CFAP299: variants seen among roughly 807,000 people sequenced by gnomAD.
CFAP299 encodes the protein cilia- and flagella-associated protein 299.
Under a neutral mutation model 27.0 loss-of-function variants are expected in CFAP299, and 21 were observed. The ratio of observed to expected loss-of-function variants is 0.78; its 90% CI spans 0.55 to 1.12. The LOEUF (loss-of-function observed/expected upper bound fraction) is 1.12. Among genes scored for constraint, CFAP299 ranks in the 50% most tolerant of loss-of-function variants. The pLI, the probability that CFAP299 is intolerant of heterozygous loss-of-function variation, is 0.00. For synonymous variants in CFAP299, 104 were observed against 98.1 expected, an observed-to-expected ratio of 1.06 and a Z score of -0.36; for missense variants, 310 against 276.6, an observed-to-expected ratio of 1.12 and a Z score of -0.86.
chr4:80,573,337 C>A (rs995835244), intron 2 of CFAP299, among the ~76,000 whole-genome samples: 14 of 152,082 alleles, frequency 9.2e-5, no homozygotes, highest in African/African-American at 3.4e-4. Context: ...TCAGCCTATA[C>A]AATTGTTTGA....
chr4:80,918,943 A>G (rs1272338307), intron 4 of CFAP299, among the ~76,000 whole-genome samples: 5 of 152,048 alleles, frequency 3.3e-5, no homozygotes, highest in South Asian at 2.1e-4. Flanking sequence ...AGATCTGTAG[A>G]CTGTGATGGT....
chr4:80,721,282 A>G (rs530658793), intron 3 of CFAP299, among the ~76,000 whole-genome samples: 7 of 152,212 alleles, frequency 4.6e-5, no homozygotes, highest in Admixed American at 3.3e-4. Context: ...AGGAATTTGT[A>G]TTTGTTTTCT....
chr4:80,560,161 C>T (rs1338694074), intron 2 of CFAP299, among the ~76,000 whole-genome samples: 1 of 151,894 alleles, frequency 6.6e-6, no homozygotes. Flanking sequence ...GAGCACTGGC[C>T]AGAGTTGTGA....
chr4:80,581,453 G>GATATATAT (rs70944794), intron 2 of CFAP299, among the ~76,000 whole-genome samples: 1,672 of 102,510 alleles, frequency 0.016, 48 homozygotes, highest in African/African-American at 0.02. Flanking sequence ...TATTAAGTGA[G>GATATATAT]ATATATATAT....
chr4:80,363,022 CA>C, intron 2 of CFAP299, 138 bp downstream of exon 2: 1 of 944,548 alleles, frequency 1.1e-6, no homozygotes, highest in Non-Finnish European at 1.5e-6. Context: ...ATTTGTTCTG[CA>C]GATGAGGAAC....
At chr4:80,433,863 C>A (rs766561000) in intron 2 of CFAP299, among the ~76,000 whole-genome samples, 1 of 152,164 alleles carries the variant, frequency 6.6e-6, no homozygotes, top group African/African-American at 2.4e-5. Context: ...ATTTTGTAAC[C>A]AGTATCATCA....
chr4:80,749,439 A>G (rs1268570247), intron 3 of CFAP299, among the ~76,000 whole-genome samples: 8 of 152,208 alleles, frequency 5.3e-5, no homozygotes, highest in African/African-American at 1.9e-4. Context: ...ATATATGTAC[A>G]TATGAAAGGA....
chr4:80,907,529 C>T lies in CFAP299; in HGVS notation c.477-37281C>T, dbSNP rs570685395. 7.9e-5 allele frequency among the ~76,000 whole-genome samples: 12 copies of T among 152,248 alleles called. 1 individual carries two copies. Among genetic ancestry groups the T allele is most frequent in the Admixed American group, 5.9e-4 (9 of 15,294 alleles). Reference sequence around the variant, plus strand: ...GATAGGGTTTTAGTTGATTGACAGTCCTGCAGGGCTGAGGAGGCCTCAGGA... The same window carrying T: ...GATAGGGTTTTAGTTGATTGACAGTTCTGCAGGGCTGAGGAGGCCTCAGGA... On this transcript the variant is annotated intron_variant, in intron 4 of 5. Coordinates refer to ENST00000358105, the MANE Select transcript of CFAP299 (RefSeq NM_152770.3).
intron 3 of CFAP299, among the ~76,000 whole-genome samples, chr4:80,597,402 AC>A (rs1737109691): frequency 6.6e-6 from 1 of 151,982 alleles, no homozygotes; most frequent in Non-Finnish European, 1.5e-5. Flanking sequence ...CTATTTTTCT[AC>A]TGTATCTTTT....
At chr4:80,847,684 C>A (rs1435655670) in intron 3 of CFAP299, among the ~76,000 whole-genome samples, 1 of 152,204 alleles carries the variant, frequency 6.6e-6, no homozygotes, top group Non-Finnish European at 1.5e-5. Context: ...ATGATACCTA[C>A]ATTATGGGGC....
At chr4:80,904,854 T>A (rs892202018) in intron 4 of CFAP299, among the ~76,000 whole-genome samples, 4 of 152,200 alleles carry the variant, frequency 2.6e-5, no homozygotes, top group Non-Finnish European at 5.9e-5. Context: ...AACTCTGAGA[T>A]GTATGTCATA....
chr4:80,511,299 A>T (rs1163779803), intron 2 of CFAP299, among the ~76,000 whole-genome samples: 1 of 152,176 alleles, frequency 6.6e-6, no homozygotes, highest in Non-Finnish European at 1.5e-5. Flanking sequence ...ACAGCTTTGT[A>T]TAGATGTTGG....
Position 80,335,851 on chromosome 4 carries a change from T to C in CFAP299, c.83T>C (p.Ile28Thr), listed in dbSNP as rs929190911. ...NAYEDFLDSQ[I>T]TTVDLYYLED... ...TATGAAGATTTCCTGGACTCGCAGA[T>C]CACTACTGTGGACTTGTACTACCTG... is the stretch of plus-strand genomic sequence containing the variant. The change falls in exon 1 of 6, where the codon ATC becomes ACC. Residue 28 changes from isoleucine (I) to threonine (T), a missense_variant. Ile to Thr is a moderately conservative substitution (Grantham distance 89, BLOSUM62 -1). Coordinates refer to ENST00000358105, the MANE Select transcript of CFAP299 (RefSeq NM_152770.3). 6.2e-7 allele frequency: 1 copy of C among 1,612,698 alleles called. No homozygotes were observed. Among genetic ancestry groups the C allele is most frequent in the African/African-American group, 1.3e-5 (1 of 74,930 alleles).
intron 3 of CFAP299, among the ~76,000 whole-genome samples, chr4:80,665,005 C>G (rs933916746): frequency 2.0e-5 from 3 of 152,124 alleles, no homozygotes; most frequent in Non-Finnish European, 4.4e-5. Context: ...CCTTGCACTT[C>G]CCGGGTGAGG....
intron 5 of CFAP299, among the ~76,000 whole-genome samples, chr4:80,947,529 GT>G (rs1737537858): frequency 6.6e-6 from 1 of 152,000 alleles, no homozygotes; most frequent in Non-Finnish European, 1.5e-5. Flanking sequence ...TGTTTGTTTT[GT>G]TTCTTTCTGA....
intron 3 of CFAP299, among the ~76,000 whole-genome samples, chr4:80,799,922 A>G (rs1231626678): frequency 2.2e-5 from 1 of 46,032 alleles, no homozygotes; most frequent in African/African-American, 9.7e-5. Context: ...TATATAATAT[A>G]TATATTTATA....
At chr4:80,864,448 ACC>A (rs1339015857) in intron 3 of CFAP299, among the ~76,000 whole-genome samples, 5 of 144,382 alleles carry the variant, frequency 3.5e-5, no homozygotes, top group African/African-American at 1.3e-4. Context: ...ATATATATAT[ACC>A]TATATAAGTA....
At chr4:80,361,642 C>G (rs990899393) in intron 1 of CFAP299, among the ~76,000 whole-genome samples, 1 of 152,152 alleles carries the variant, frequency 6.6e-6, no homozygotes, top group Non-Finnish European at 1.5e-5. Context: ...GCATTGTAAT[C>G]ATTTGGCAAA....
upstream of CFAP299, chr4:80,335,721 T>C: frequency 3.5e-6 from 4 of 1,137,774 alleles, no homozygotes; most frequent in Non-Finnish European, 5.4e-6. Flanking sequence ...CTCCTGACCC[T>C]GCCCTCCTGC....
Sources: allele counts gnomAD v4.1 joint callset (sites outside exome capture counted in the v4.1 genomes callset), GRCh38; gene constraint gnomAD v4.1.1; transcripts MANE v1.5; gene names NCBI Gene and HGNC (gene_info 2026-07-23, HGNC 2026-07-21).